Variants in SPAG16 observed in about 807,000 individuals in gnomAD.
SPAG16 encodes the protein sperm associated antigen 16.
SPAG16 carries 86 observed loss-of-function variants against 80.4 expected under a neutral mutation model. That is an observed-to-expected ratio of 1.07 (90% CI 0.90 to 1.28). The LOEUF (loss-of-function observed/expected upper bound fraction) is 1.28. Ranked by LOEUF, SPAG16 falls within the 50% of genes most tolerant of loss-of-function variation. SPAG16 has a pLI of 0.00. For synonymous variants in SPAG16, 294 were observed against 265.9 expected, an observed-to-expected ratio of 1.11 and a Z score of -1.03; for missense variants, 870 against 765.3, an observed-to-expected ratio of 1.14 and a Z score of -1.61.
chr2:214,316,507 C>G (rs1461488691), intron 15 of SPAG16, among the ~76,000 whole-genome samples: 1 of 152,086 alleles, frequency 6.6e-6, no homozygotes, highest in African/African-American at 2.4e-5. Context: ...GTTGCTAGCA[C>G]CTTATTTGGG....
intron 12 of SPAG16, among the ~76,000 whole-genome samples, chr2:214,003,184 G>A (rs1008692776): frequency 1.3e-5 from 2 of 152,172 alleles, no homozygotes; most frequent in Admixed American, 6.5e-5. Context: ...TATTAGACCA[G>A]TTAATATATT....
At chr2:213,836,185 C>G (rs554135126) in intron 10 of SPAG16, among the ~76,000 whole-genome samples, 22 of 145,602 alleles carry the variant, frequency 1.5e-4, no homozygotes, top group South Asian at 1.2e-3. Flanking sequence ...CGCCCCCCCC[C>G]CCATTTCCTA....
chr2:213,768,359 G>A (rs778880111), intron 10 of SPAG16, among the ~76,000 whole-genome samples: 2 of 152,170 alleles, frequency 1.3e-5, no homozygotes, highest in Non-Finnish European at 2.9e-5. Context: ...TAACACCAGT[G>A]CCAAGAGTGG....
At chr2:213,797,709 T>TATTC (rs901398488) in intron 10 of SPAG16, among the ~76,000 whole-genome samples, 4 of 152,254 alleles carry the variant, frequency 2.6e-5, no homozygotes, top group Non-Finnish European at 5.9e-5. Context: ...ACATTTTGTT[T>TATTC]ATTCATTCAC....
intron 10 of SPAG16, among the ~76,000 whole-genome samples, chr2:213,767,460 G>T (rs566012003): frequency 6.6e-6 from 1 of 151,998 alleles, no homozygotes; most frequent in African/African-American, 2.4e-5. Context: ...TTGAGCCCAG[G>T]AGTTCCAGGT....
At chr2:213,667,268 A>G (rs2063642225) in intron 10 of SPAG16, among the ~76,000 whole-genome samples, 1 of 152,244 alleles carries the variant, frequency 6.6e-6, no homozygotes, top group South Asian at 2.1e-4. Context: ...GTAATATAAA[A>G]TAGATCACTA....
At chr2:213,808,575 G>C (rs1432493213) in intron 10 of SPAG16, among the ~76,000 whole-genome samples, 1 of 152,106 alleles carries the variant, frequency 6.6e-6, no homozygotes, top group Non-Finnish European at 1.5e-5. Flanking sequence ...CTAAGGCTAG[G>C]AGGATATCTC....
intron 1 of SPAG16, among the ~76,000 whole-genome samples, chr2:213,290,336 C>G (rs1488983): frequency 0.026 from 3,898 of 152,224 alleles, 162 homozygotes; most frequent in African/African-American, 0.088. Context: ...AATACAGAAC[C>G]TGGCCTGGAC....
At chr2:213,400,215 T>C (rs189515334) in intron 9 of SPAG16, among the ~76,000 whole-genome samples, 1 of 152,336 alleles carries the variant, frequency 6.6e-6, no homozygotes, top group African/African-American at 2.4e-5. Context: ...TTGTTTCTTT[T>C]TCCAGCTTCT....
chr2:214,029,307 A>G (rs544049681), intron 13 of SPAG16, among the ~76,000 whole-genome samples: 318 of 152,124 alleles, frequency 2.1e-3, no homozygotes, highest in African/African-American at 7.4e-3. Context: ...AGGGGTTGGA[A>G]AATATAAAAT....
At chr2:213,999,653 C>A (rs1275192101) in intron 12 of SPAG16, among the ~76,000 whole-genome samples, 1 of 152,200 alleles carries the variant, frequency 6.6e-6, no homozygotes, top group East Asian at 1.9e-4. Context: ...GCACTGTTTG[C>A]CTGGCAAAGT....
intron 10 of SPAG16, among the ~76,000 whole-genome samples, chr2:213,844,547 A>C (rs1015689347): frequency 3.3e-5 from 5 of 152,210 alleles, no homozygotes; most frequent in African/African-American, 1.2e-4. Context: ...ATTTTTCAGA[A>C]GGCAAAATTA....
chr2:214,000,038 A>C (rs979281784), intron 12 of SPAG16, among the ~76,000 whole-genome samples: 1 of 152,132 alleles, frequency 6.6e-6, no homozygotes, highest in Admixed American at 6.5e-5. Flanking sequence ...CTTTTGAGTT[A>C]ATGCTGAAAT....
intron 10 of SPAG16, among the ~76,000 whole-genome samples, chr2:213,810,106 G>C (rs2072040269): frequency 1.3e-5 from 2 of 152,176 alleles, no homozygotes; most frequent in African/African-American, 4.8e-5. Flanking sequence ...AGAAGAGTAA[G>C]AGAGAAGGAT....
chr2:214,401,729 T>C (rs1701719503), intron 15 of SPAG16, among the ~76,000 whole-genome samples: 1 of 151,950 alleles, frequency 6.6e-6, no homozygotes, highest in East Asian at 1.9e-4. Context: ...CAATCCAGAA[T>C]GACACTATTA....
intron 10 of SPAG16, among the ~76,000 whole-genome samples, chr2:213,558,168 A>G (rs1188245622): frequency 6.6e-6 from 1 of 152,164 alleles, no homozygotes; most frequent in East Asian, 1.9e-4. Flanking sequence ...TTAGGACCTG[A>G]TAAAGTAACT....
At chr2:214,207,833 T>C (rs1285840304) in intron 15 of SPAG16, among the ~76,000 whole-genome samples, 1 of 152,222 alleles carries the variant, frequency 6.6e-6, no homozygotes, top group Non-Finnish European at 1.5e-5. Context: ...CCAAGTCTTC[T>C]GGCTTCCATC....
chr2:214,356,373 T>C (rs1209852506), intron 15 of SPAG16, among the ~76,000 whole-genome samples: 1 of 151,812 alleles, frequency 6.6e-6, no homozygotes, highest in Non-Finnish European at 1.5e-5. Context: ...TGATCCCAAT[T>C]GACACAATAT....
intron 15 of SPAG16, among the ~76,000 whole-genome samples, chr2:214,272,912 T>C (rs568343810): frequency 6.6e-6 from 1 of 152,296 alleles, no homozygotes; most frequent in African/African-American, 2.4e-5. Context: ...CCACCAACAG[T>C]GTAAAAGTGT....
Sources: gnomAD v4.1 joint callset for allele counts (sites outside exome capture counted in the v4.1 genomes callset) on GRCh38, gnomAD v4.1.1 for gene constraint, MANE v1.5 for transcripts, NCBI Gene and HGNC (gene_info 2026-07-23, HGNC 2026-07-21) for gene names.